FOXP1: variants seen among roughly 807,000 people sequenced by gnomAD.
The protein encoded by FOXP1 is forkhead box P1, also known as forkhead box protein P1.
FOXP1 carries 15 observed loss-of-function variants against 98.2 expected under a neutral mutation model. That is an observed-to-expected ratio of 0.15 (90% CI 0.10 to 0.24). The LOEUF is 0.24. Ranked by LOEUF, FOXP1 falls within the 10% of genes least tolerant of loss-of-function variation. FOXP1 has a pLI of 1.00. For synonymous variants in FOXP1, 371 were observed against 314.5 expected (o/e 1.18, Z -1.90); for missense variants, 633 against 848.5 (o/e 0.75, Z 3.15).
intron 4 of FOXP1, among the ~76,000 whole-genome samples, chr3:71,330,990 G>A (rs912467894): frequency 2.0e-5 from 3 of 152,334 alleles, no homozygotes; most frequent in Non-Finnish European, 2.9e-5. Flanking sequence ...CGCAGCCCTC[G>A]CTTGCTCTGG....
intron 6 of FOXP1, among the ~76,000 whole-genome samples, chr3:71,150,959 A>C (rs138532219): frequency 0.014 from 2,194 of 152,272 alleles, 63 homozygotes; most frequent in African/African-American, 0.05. Flanking sequence ...GGAATACTGG[A>C]AAGACAAAGG....
intron 5 of FOXP1, among the ~76,000 whole-genome samples, chr3:71,234,022 C>T (rs900226078): frequency 4.6e-5 from 7 of 152,042 alleles, no homozygotes; most frequent in African/African-American, 1.7e-4. Context: ...CCCACACTGA[C>T]CTTTGGTGGT....
intron 3 of FOXP1, among the ~76,000 whole-genome samples, chr3:71,459,377 G>C (rs980992273): frequency 6.6e-6 from 1 of 152,214 alleles, no homozygotes; most frequent in African/African-American, 2.4e-5. Context: ...TCATACACTA[G>C]TTCTGAGACC....
At chr3:70,959,498 C>T (rs1050061107) in intron 20 of FOXP1, 107 bp from the exon 21 acceptor site, 7 of 1,225,030 alleles carry the variant, frequency 5.7e-6, no homozygotes, top group Admixed American at 1.9e-5. Context: ...AGAACTAGAA[C>T]TCTGTCCAGT....
chr3:70,976,845 A>C, intron 17 of FOXP1, 96 bp downstream of exon 17: 2 of 870,522 alleles, frequency 2.3e-6, no homozygotes, highest in South Asian at 2.7e-5. Context: ...AAAACAATAT[A>C]AATGTAGCTT....
At chr3:70,994,333 C>A (rs1317699117) in intron 13 of FOXP1, among the ~76,000 whole-genome samples, 1 of 152,030 alleles carries the variant, frequency 6.6e-6, no homozygotes, top group African/African-American at 2.4e-5. Context: ...CCCAGGAATC[C>A]CTTCAGTCCA....
At position 70,964,577 on chromosome 3, in the gene FOXP1, C is replaced by T. The variant is rs541340718; in HGVS notation, c.1889+1313G>A. On this transcript the variant is annotated intron_variant, in intron 20 of 20. Transcript: ENST00000649528. ...CTTCGTTAGTATCTAAGTAAATACT[C>T]GTGTCATGACAATGATTTAAGATGA... Among the ~76,000 whole-genome samples, 10 of 152,208 alleles carry T rather than the reference C, an allele frequency of 6.6e-5. No individual in the cohort carries two copies. In the East Asian group the frequency reaches 7.7e-4, roughly 12 times the overall value.
At chr3:71,389,360 C>T (rs1027710188) in intron 3 of FOXP1, among the ~76,000 whole-genome samples, 10 of 151,048 alleles carry the variant, frequency 6.6e-5, no homozygotes, top group African/African-American at 2.2e-4. Flanking sequence ...CTTTCATGAG[C>T]GACACCTGCG....
rs367624414 is a variant in FOXP1, at chr3:70,977,871, G to A, written c.1305C>T (p.Ile435=). Residue 435 remains isoleucine (I), a synonymous_variant, in exon 15 of 21, where the codon ATC becomes ATT. Coordinates refer to ENST00000649528, the MANE Select transcript of FOXP1 (RefSeq NM_001349338.3). ...TGTATTTGTCTGAGTACCGCCTGCG[G>A]ATGGGTCCCACCGTGTGCATGCTGG... The part of the protein sequence containing the change: ...TTTSMHTVGP[I]RRRYSDKYNV... The A allele has an allele frequency of 2.2e-4, 353 of 1,614,094 alleles. 2 individuals are homozygous for A. The highest frequency in any genetic ancestry group is 4.2e-4 in the Admixed American group (25 of 60,008).
rs143202281 is a variant in FOXP1, at chr3:70,955,832, G to GCACACA, written c.*3409_*3414dup. ...AACAGATTAACACACACGCACGCGC[G>GCACACA]CACACACACACACACACACACACAA... On this transcript the variant is annotated 3_prime_UTR_variant, in exon 21 of 21. Transcript: ENST00000649528. 9,269 of 221,474 alleles carry GCACACA rather than the reference G, an allele frequency of 0.042. 683 individuals carry two copies. Among genetic ancestry groups the GCACACA allele is most frequent in the African/African-American group, 0.19 (8,207 of 44,110 alleles). 13.7% of individuals were successfully genotyped at this position (221,474 alleles called of 1,614,324 possible).
At chr3:71,313,865 C>T (rs1453553754) in intron 4 of FOXP1, among the ~76,000 whole-genome samples, 2 of 152,124 alleles carry the variant, frequency 1.3e-5, no homozygotes, top group Non-Finnish European at 2.9e-5. Flanking sequence ...GCTGCCTCAC[C>T]TAAAACTAAG....
At chr3:71,281,543 C>A (rs2071568313) in intron 5 of FOXP1, among the ~76,000 whole-genome samples, 1 of 152,244 alleles carries the variant, frequency 6.6e-6, no homozygotes, top group African/African-American at 2.4e-5. Context: ...ACCTGACCGA[C>A]ATGGTTTCTG....
At chr3:71,418,828 C>T (rs975720089) in intron 3 of FOXP1, among the ~76,000 whole-genome samples, 5 of 151,408 alleles carry the variant, frequency 3.3e-5, no homozygotes, top group Admixed American at 6.6e-5. Flanking sequence ...ACAAAAATTA[C>T]GAAAGCATCT....
chr3:71,018,562 T>C (rs1258790549), intron 11 of FOXP1, among the ~76,000 whole-genome samples: 1 of 152,226 alleles, frequency 6.6e-6, no homozygotes, highest in Non-Finnish European at 1.5e-5. Context: ...TTTTAAAACA[T>C]GGAAACATCC....
chr3:71,148,058 T>C (rs1203196950), intron 6 of FOXP1, among the ~76,000 whole-genome samples: 1 of 152,140 alleles, frequency 6.6e-6, no homozygotes, highest in Non-Finnish European at 1.5e-5. Flanking sequence ...TAAAATCCAA[T>C]AGAAAATTAG....
chr3:71,029,906 G>C (rs1021652151), intron 11 of FOXP1, among the ~76,000 whole-genome samples: 2 of 152,178 alleles, frequency 1.3e-5, no homozygotes, highest in African/African-American at 2.4e-5. Context: ...TGGTATGAAT[G>C]AATAAATAGC....
At chr3:70,983,100 G>A (rs775774316) in intron 14 of FOXP1, among the ~76,000 whole-genome samples, 2 of 152,202 alleles carry the variant, frequency 1.3e-5, no homozygotes, top group African/African-American at 4.8e-5. Flanking sequence ...TTACCAGGCC[G>A]TGCGGAGGGC....
intron 6 of FOXP1, among the ~76,000 whole-genome samples, chr3:71,137,883 C>G (rs901629697): frequency 4.0e-5 from 6 of 151,688 alleles, no homozygotes; most frequent in African/African-American, 1.5e-4. Context: ...CTCCCCTTCC[C>G]TCCTCCTGTG....
At chr3:71,301,479 A>G (rs565867350) in intron 4 of FOXP1, among the ~76,000 whole-genome samples, 1 of 152,336 alleles carries the variant, frequency 6.6e-6, no homozygotes, top group Admixed American at 6.5e-5. Context: ...TTAAATGTAA[A>G]GCAAGTGAAC....
Sources: gnomAD v4.1 joint callset for allele counts (sites outside exome capture counted in the v4.1 genomes callset) on GRCh38, gnomAD v4.1.1 for gene constraint, MANE v1.5 for transcripts, NCBI Gene and HGNC (gene_info 2026-07-23, HGNC 2026-07-21) for gene names.